NOM1: variants seen among roughly 807,000 people sequenced by gnomAD.
The protein encoded by NOM1 is nucleolar protein with MIF4G domain 1, also known as nucleolar MIF4G domain-containing protein 1.
Under a neutral mutation model 73.3 loss-of-function variants are expected in NOM1, and 58 were observed. The ratio of observed to expected loss-of-function variants is 0.79; its 90% CI spans 0.64 to 0.99. NOM1 has a LOEUF of 0.99. Among genes scored for constraint, NOM1 ranks in the 50% least tolerant of loss-of-function variants. The pLI is 0.00. For missense variants in NOM1, 1,226 were observed against 1,131.9 expected (o/e 1.08, Z -1.19); for synonymous variants, 487 against 446.8 (o/e 1.09, Z -1.14).
Position 156,966,404 on chromosome 7 carries a change from T to A in NOM1, c.2166+2T>A. On this transcript the variant is annotated splice_donor_variant, in intron 8 of 10. Coordinates refer to ENST00000275820, the MANE Select transcript of NOM1 (RefSeq NM_138400.2). LOFTEE classifies it high-confidence loss of function. ...TGTGAATATGAAAGGAGATTTCAGG[T>A]AGCTTAGTGCGGAGGCACCAGTTAC... 6.2e-7 allele frequency: 1 copy of A among 1,614,096 alleles called. No homozygotes were observed. The highest frequency in any genetic ancestry group is 8.5e-7 in the Non-Finnish European group (1 of 1,180,022).
At chr7:156,964,598 T>A (rs1200990186) in intron 7 of NOM1, among the ~76,000 whole-genome samples, 1 of 152,016 alleles carries the variant, frequency 6.6e-6, no homozygotes, top group Middle Eastern at 3.2e-3. Flanking sequence ...AAAAAAAAAA[T>A]CTTTAAATGT....
In NOM1 at chr7:156,963,213, A is replaced by G. The variant is rs1563684415; in HGVS notation, c.1911+38A>G. On this transcript the variant is annotated intron_variant, in intron 6 of 10. Transcript: ENST00000275820. ...ATGCTCAAGGCTGCCAGGCAGAGGC[A>G]CCCCCCTGTGTGGTGTGTGGTCCTG... The G allele has an allele frequency of 3.7e-6, 6 of 1,611,186 alleles. No individual in the cohort carries two copies. The South Asian group carries it at 5.5e-5, about 15-fold the overall frequency.
At position 156,950,645 on chromosome 7, in the gene NOM1, G is replaced by A; in HGVS notation, c.908G>A (p.Arg303Lys). Residue 303 changes from arginine to lysine, a missense_variant, in exon 1 of 11, where the codon AGG becomes AAG. Coordinates refer to ENST00000275820, the MANE Select transcript of NOM1 (RefSeq NM_138400.2). ...AAGGAAAAGGGAGCGCAGGAGAAAA[G>A]GAGGGGGAAGAGAGTCCGTTTTGCA... is the stretch of plus-strand genomic sequence containing the variant. Reference protein sequence around the residue: ...EEKEKGAQEKRRGKRVRFAED... With the variant: ...EEKEKGAQEKKRGKRVRFAED... 1 of 1,554,182 alleles carries A rather than the reference G, an allele frequency of 6.4e-7. No homozygotes were observed. Among genetic ancestry groups the A allele is most frequent in the Non-Finnish European group, 8.7e-7 (1 of 1,148,200 alleles).
At chr7:156,964,272 G>A (rs188187605) in intron 7 of NOM1, 117 of 205,908 alleles carry the variant, frequency 5.7e-4, no homozygotes, top group Middle Eastern at 3.4e-3. Context: ...GGGGTTTGGG[G>A]TTTTTTTTTT....
chr7:156,965,470 C>T (rs1042185431), intron 7 of NOM1, among the ~76,000 whole-genome samples: 3 of 152,232 alleles, frequency 2.0e-5, no homozygotes, highest in Admixed American at 6.5e-5. Context: ...CAGTGGCCCA[C>T]GGCAAGGGTG....
In NOM1 at chr7:156,970,005, T is replaced by C. The variant is rs12670229; in HGVS notation, c.*302T>C. 0.012 allele frequency: 2,173 copies of C among 174,848 alleles called. 100 individuals are homozygous for C. In the East Asian group the frequency reaches 0.14, roughly 11 times the overall value. The allele number at this position is 174,848 out of a possible 1,614,324, so 10.8% of individuals were successfully genotyped here. ...TTGTCTTAAAATTTTTTAATAGATA[T>C]GGCCGAGCGTGATGGCTCACCCCTG... On this transcript the variant is annotated 3_prime_UTR_variant, in exon 11 of 11. Coordinates refer to ENST00000275820, the MANE Select transcript of NOM1 (RefSeq NM_138400.2).
At position 156,971,811 on chromosome 7, in the gene NOM1, C is replaced by G. The variant is rs1447861678; in HGVS notation, c.*2108C>G. The G allele has an allele frequency of 6.6e-6, 1 of 152,210 alleles. No individual in the cohort carries two copies. The highest frequency in any genetic ancestry group is 1.9e-4 in the East Asian group (1 of 5,196). 9.4% of individuals were successfully genotyped at this position (152,210 alleles called of 1,614,324 possible). A position where few individuals can be genotyped will look rare whatever the true frequency, so the allele number is the denominator to read the frequency against. On this transcript the variant is annotated 3_prime_UTR_variant, in exon 11 of 11. Transcript: ENST00000275820. Reference sequence around the variant, plus strand: ...AAAGCAGCACAGAGACTGTGTCGTCCCTACAGACTTCTAACCCTGCATTCA... The same window carrying G: ...AAAGCAGCACAGAGACTGTGTCGTCGCTACAGACTTCTAACCCTGCATTCA...
In NOM1 at chr7:156,963,925, A is replaced by T; in HGVS notation, c.1932A>T (p.Glu644Asp). Reference sequence around the variant, plus strand: ...TCCAGGTCAGTTCAAAGATCCTAGAACTCGCCCGGAAGCAGAGGATGAACA... The same window carrying T: ...TCCAGGTCAGTTCAAAGATCCTAGATCTCGCCCGGAAGCAGAGGATGAACA... ...LVGTVSSKIL[E>D]LARKQRMNTD... Residue 644 changes from glutamate (E) to aspartate (D), a missense_variant, in exon 7 of 11, where the codon GAA becomes GAT. Physicochemically the swap from Glu to Asp is conservative, Grantham distance 45 (BLOSUM62 2). Coordinates refer to ENST00000275820, the MANE Select transcript of NOM1 (RefSeq NM_138400.2). The T allele has an allele frequency of 6.2e-7, 1 of 1,613,922 alleles. No individual in the cohort carries two copies. Among genetic ancestry groups the T allele is most frequent in the Non-Finnish European group, 8.5e-7 (1 of 1,179,920 alleles).
In NOM1 at chr7:156,967,050, C is replaced by T. The variant is rs1197535907; in HGVS notation, c.2256C>T (p.Ala752=). The T allele has an allele frequency of 6.2e-7, 1 of 1,613,270 alleles. No individual in the cohort carries two copies. Among genetic ancestry groups the T allele is most frequent in the African/African-American group, 1.3e-5 (1 of 74,946 alleles). The part of the protein sequence containing the change: ...TNFSNLVHLV[A]HLLKTKSLSL... Reference sequence around the variant, plus strand: ...TCTCTAATTTGGTTCATCTGGTGGCCCACTTGTTGAAGACAAAATCGCTTT... The same window carrying T: ...TCTCTAATTTGGTTCATCTGGTGGCTCACTTGTTGAAGACAAAATCGCTTT... Residue 752 remains alanine, a synonymous_variant, in exon 9 of 11, where the codon GCC becomes GCT. Transcript: ENST00000275820.
rs1462212105 is a variant in NOM1 at position 156,949,821 on chromosome 7, C to A, written c.84C>A (p.Arg28=). Residue 28 remains arginine, a synonymous_variant, in exon 1 of 11, where the codon CGC becomes CGA. Coordinates refer to ENST00000275820, the MANE Select transcript of NOM1 (RefSeq NM_138400.2). ...RVVRMKRRGG[R]GPRRGPAGGG... ...TCCGCATGAAGCGCAGAGGCGGGCG[C>A]GGGCCGCGCCGCGGTCCTGCTGGCG... 4 of 1,445,712 alleles carry A rather than the reference C, an allele frequency of 2.8e-6. No individual in the cohort carries two copies. Among genetic ancestry groups the A allele is most frequent in the Non-Finnish European group, 3.6e-6 (4 of 1,102,200 alleles). 89.6% of individuals were successfully genotyped at this position (1,445,712 alleles called of 1,614,324 possible). A position where few individuals can be genotyped will look rare whatever the true frequency, so the allele number is the denominator to read the frequency against.
At chr7:156,966,105 G>A (rs1804989061) in intron 7 of NOM1, 165 bp from the exon 8 acceptor site, 3 of 762,432 alleles carry the variant, frequency 3.9e-6, no homozygotes, top group Admixed American at 4.9e-5. Context: ...GAGAGGTTGT[G>A]ACAGGGCTGG....
At chr7:156,957,335 A>G (rs1804747859) in intron 3 of NOM1, among the ~76,000 whole-genome samples, 2 of 152,318 alleles carry the variant, frequency 1.3e-5, no homozygotes, top group South Asian at 4.1e-4. Flanking sequence ...TCCACATCAG[A>G]GTTAACGTAC....
At chr7:156,953,540 C>T (rs902564543) in intron 2 of NOM1, among the ~76,000 whole-genome samples, 1 of 152,168 alleles carries the variant, frequency 6.6e-6, no homozygotes, top group Non-Finnish European at 1.5e-5. Flanking sequence ...CCCCCTTCCC[C>T]CTTGTATTGC....
At chr7:156,960,949 A>T (rs1639488116) in intron 4 of NOM1, among the ~76,000 whole-genome samples, 1 of 152,084 alleles carries the variant, frequency 6.6e-6, no homozygotes, top group African/African-American at 2.4e-5. Flanking sequence ...GAAGGGAAGG[A>T]GGGCTCAGGG....
chr7:156,966,684 C>T (rs944477497), intron 8 of NOM1, among the ~76,000 whole-genome samples: 1 of 152,184 alleles, frequency 6.6e-6, no homozygotes, highest in Non-Finnish European at 1.5e-5. Flanking sequence ...CACAGTGCAC[C>T]AGTCTGTTCT....
At chr7:156,964,264 G>T in intron 7 of NOM1, 1 of 263,090 alleles carries the variant, frequency 3.8e-6, no homozygotes, top group Non-Finnish European at 7.2e-6. Flanking sequence ...AAAGATTGGG[G>T]GTTTGGGGTT....
At chr7:156,954,492 GCTTAACTTT>G in intron 3 of NOM1, among the ~76,000 whole-genome samples, 194 bp downstream of exon 3, 1 of 28,270 alleles carries the variant, frequency 3.5e-5, no homozygotes, top group Non-Finnish European at 8.8e-5. Flanking sequence ...ACTTGATTTT[GCTTAACTTT>G]GCTTTTTTGT....
intron 3 of NOM1, among the ~76,000 whole-genome samples, chr7:156,956,091 A>G (rs578230410): frequency 1.3e-5 from 2 of 151,944 alleles, no homozygotes; most frequent in African/African-American, 2.4e-5. Flanking sequence ...TACTCCGGAG[A>G]CTGAGGCAGG....
At chr7:156,961,849 G>A (rs1440292963) in intron 4 of NOM1, among the ~76,000 whole-genome samples, 1 of 152,310 alleles carries the variant, frequency 6.6e-6, no homozygotes, top group East Asian at 1.9e-4. Context: ...GGCCGGGGTG[G>A]CCGAGTAGGT....
Sources: gnomAD v4.1 joint callset for allele counts (sites outside exome capture counted in the v4.1 genomes callset) on GRCh38, gnomAD v4.1.1 for gene constraint, MANE v1.5 for transcripts, NCBI Gene and HGNC (gene_info 2026-07-23, HGNC 2026-07-21) for gene names.